The following LITAF variants were observed in gnomAD, a reference collection of about 807,000 sequenced individuals.
LITAF encodes the protein lipopolysaccharide-induced tumor necrosis factor-alpha factor.
LITAF carries 9 observed loss-of-function variants against 14.5 expected under a neutral mutation model. The observed-to-expected ratio is 0.62, with a 90% CI of 0.37 to 1.08. The LOEUF (loss-of-function observed/expected upper bound fraction) is 1.08. Among genes scored for constraint, LITAF ranks in the 50% least tolerant of loss-of-function variants. The pLI, the probability that LITAF is intolerant of heterozygous loss-of-function variation, is 0.01. For synonymous variants in LITAF, 98 were observed against 88.2 expected (o/e 1.11, Z -0.62); for missense variants, 206 against 213.4 (o/e 0.97, Z 0.22).
chr16:11,560,714 C>T (rs1489456518), intron 1 of LITAF, among the ~76,000 whole-genome samples: 1 of 152,068 alleles, frequency 6.6e-6, no homozygotes, highest in Non-Finnish European at 1.5e-5. Context: ...AAGGCCCAAC[C>T]CCAGAAAAGA....
Position 11,549,133 on chromosome 16 carries a change from A to G in LITAF, c.*504T>C, listed in dbSNP as rs774127734. On this transcript the variant is annotated 3_prime_UTR_variant, in exon 4 of 4. Coordinates refer to ENST00000622633, the MANE Select transcript of LITAF (RefSeq NM_001136472.2). This position sits in a 1 kb window ranked among gnomAD's most constrained non-coding sequence, Gnocchi z 4.6. ...TACAGAATCTCAAAGCCAAGCCTGT[A>G]AAGTCTGTAAGGCAAGATCTTTGTC... The G allele has an allele frequency of 4.4e-6, 2 of 454,176 alleles. No individual in the cohort carries two copies. The highest frequency in any genetic ancestry group is 1.6e-5 in the South Asian group (1 of 64,466). The allele number at this position is 454,176 out of a possible 1,614,324, so 28.1% of individuals were successfully genotyped here.
intron 3 of LITAF, among the ~76,000 whole-genome samples, chr16:11,617,426 C>CTTTTTTT (rs71136673): frequency 9.9e-4 from 73 of 73,742 alleles, no homozygotes; most frequent in Non-Finnish European, 1.4e-3. Context: ...TGGCTTCACT[C>CTTTTTTT]TTTTTTTTTT....
intron 3 of LITAF, among the ~76,000 whole-genome samples, chr16:11,607,151 T>C (rs1165778761): frequency 2.0e-5 from 3 of 152,224 alleles, no homozygotes; most frequent in African/African-American, 7.2e-5. Flanking sequence ...GACCACGTTT[T>C]CTGTTCCAAA....
rs1032157319 is a variant in LITAF, at chr16:11,558,737, A to G, written c.-5-2002T>C. On this transcript the variant is annotated intron_variant, in intron 1 of 3. Transcript: ENST00000622633. This position sits in a 1 kb window ranked among gnomAD's most constrained non-coding sequence, Gnocchi z 4.1. ...ACAAACAAACGAAACAAAGTGGAAT[A>G]GAGGCGGGGGAGTGAACGTGATAAA... is the stretch of plus-strand genomic sequence containing the variant. Among the ~76,000 whole-genome samples, 13 of 152,122 alleles carry G rather than the reference A, an allele frequency of 8.5e-5. No individual in the cohort carries two copies. Among genetic ancestry groups the G allele is most frequent in the Non-Finnish European group, 1.3e-4 (9 of 68,022 alleles).
At chr16:11,591,509 C>T (rs2064845889), upstream of LITAF, among the ~76,000 whole-genome samples, 1 of 151,946 alleles carries the variant, frequency 6.6e-6, no homozygotes. Context: ...TTAAAACTTA[C>T]TACAGAGATA....
chr16:11,617,376 G>A (rs2065025270), intron 3 of LITAF, among the ~76,000 whole-genome samples: 1 of 148,106 alleles, frequency 6.8e-6, no homozygotes, highest in Non-Finnish European at 1.5e-5. Context: ...GTCTTATCAA[G>A]TTCTGAAAGC....
intron 1 of LITAF, among the ~76,000 whole-genome samples, chr16:11,560,961 C>T (rs2064353415): frequency 6.6e-6 from 1 of 152,146 alleles, no homozygotes. Context: ...ACATCCCTCC[C>T]AGATGACCCC....
At chr16:11,591,826 C>A (rs1452909133), upstream of LITAF, among the ~76,000 whole-genome samples, 1 of 151,854 alleles carries the variant, frequency 6.6e-6, no homozygotes. Context: ...TGACCTCAAG[C>A]GATCCGCCCA....
At chr16:11,575,294 CTTTTTT>C (rs540595739) in intron 1 of LITAF, 5 of 152,062 alleles carry the variant, frequency 3.3e-5, no homozygotes, top group Non-Finnish European at 7.3e-5. Flanking sequence ...GGTATAGTTT[CTTTTTT>C]TGTTTTGGGA....
chr16:11,607,795 G>T (rs2064962279), intron 3 of LITAF, among the ~76,000 whole-genome samples: 1 of 152,166 alleles, frequency 6.6e-6, no homozygotes, highest in Non-Finnish European at 1.5e-5. Flanking sequence ...GTCATTCATT[G>T]TTATGGGCGC....
intron 1 of LITAF, among the ~76,000 whole-genome samples, chr16:11,594,113 G>C (rs2064866428): frequency 6.6e-6 from 1 of 151,982 alleles, no homozygotes; most frequent in Non-Finnish European, 1.5e-5. Flanking sequence ...TTGAACCTGG[G>C]AGGCAGAGGT....
In LITAF at chr16:11,619,357, G is replaced by T. The variant is rs76696451; in HGVS notation, c.85+14176C>A. Among the ~76,000 whole-genome samples, 1,271 of 152,064 alleles carry T rather than the reference G, an allele frequency of 8.4e-3. 16 individuals carry two copies. Among genetic ancestry groups the T allele is most frequent in the African/African-American group, 0.029 (1,194 of 41,506 alleles). ...AAACCCCAGCACTGCTGGGCTCAGA[G>T]GACACATCTCCACATGGCATGATGA... On this transcript the variant is annotated intron_variant, in intron 3 of 3. Coordinates refer to the LITAF transcript ENST00000574848.
chr16:11,638,117 T>G (rs549424239), upstream of LITAF, among the ~76,000 whole-genome samples: 332 of 69,494 alleles, frequency 4.8e-3, 49 homozygotes, highest in African/African-American at 0.017. Context: ...TATCTATCTA[T>G]ATAGATAGAT....
chr16:11,581,665 A>T (rs1420623182), intron 1 of LITAF, among the ~76,000 whole-genome samples: 1 of 152,180 alleles, frequency 6.6e-6, no homozygotes, highest in East Asian at 1.9e-4. Flanking sequence ...AATGCCAAAG[A>T]CTAAGTGGGG....
At chr16:11,583,048 C>A (rs554323538) in intron 1 of LITAF, among the ~76,000 whole-genome samples, 1 of 152,272 alleles carries the variant, frequency 6.6e-6, no homozygotes, top group African/African-American at 2.4e-5. Flanking sequence ...AGGGGAAACC[C>A]GGACCTCCAG....
At chr16:11,578,911 G>A (rs185968483) in intron 1 of LITAF, among the ~76,000 whole-genome samples, 13 of 152,250 alleles carry the variant, frequency 8.5e-5, no homozygotes, top group Admixed American at 2.6e-4. Context: ...ATGTGGGGCC[G>A]GGCACAGTGG....
intron 1 of LITAF, among the ~76,000 whole-genome samples, chr16:11,577,678 G>T (rs2064662995): frequency 6.6e-6 from 1 of 151,848 alleles, no homozygotes; most frequent in Admixed American, 6.6e-5. Flanking sequence ...ATTCCAAATA[G>T]TATGAGTAGA....
intron 1 of LITAF, among the ~76,000 whole-genome samples, chr16:11,561,914 A>C (rs947401240): frequency 6.6e-6 from 1 of 150,974 alleles, no homozygotes; most frequent in South Asian, 2.1e-4. Flanking sequence ...TTTAAAAAAG[A>C]GGGAAAGGGA....
chr16:11,554,787 C>CAAAAAAAAAAAAAAAAAAAAA (rs56346206), intron 2 of LITAF, among the ~76,000 whole-genome samples: 1 of 64,490 alleles, frequency 1.6e-5, no homozygotes. Context: ...GACTCTACCT[C>CAAAAAAAAAAAAAAAAAAAAA]AAAAAAAAAA....
Sources: allele counts gnomAD v4.1 joint callset (sites outside exome capture counted in the v4.1 genomes callset), GRCh38; gene constraint gnomAD v4.1.1; non-coding constraint Gnocchi (gnomAD v3.1); transcripts MANE v1.5; gene names NCBI Gene and HGNC (gene_info 2026-07-23, HGNC 2026-07-21).